Variants in NFYC observed in about 807,000 individuals in gnomAD.
NFYC encodes CAAT box DNA-binding protein subunit C.
Under a neutral mutation model 53.1 loss-of-function variants are expected in NFYC, and 25 were observed. The observed-to-expected ratio is 0.47, with a 90% CI of 0.34 to 0.66. NFYC has a LOEUF of 0.66. NFYC is among the 30% of genes least tolerant of loss of function. NFYC has a pLI of 0.01. For missense variants in NFYC, 260 were observed against 422.7 expected, an observed-to-expected ratio of 0.62 and a Z score of 3.38; for synonymous variants, 145 against 152.6, an observed-to-expected ratio of 0.95 and a Z score of 0.37.
chr1:40,711,014 C>T (rs1643911617), intron 1 of NFYC, among the ~76,000 whole-genome samples: 1 of 152,144 alleles, frequency 6.6e-6, no homozygotes, highest in African/African-American at 2.4e-5. Context: ...GGGAATAAGA[C>T]AATAGGGCTG....
chr1:40,741,183 G>GT (rs754637534), intron 2 of NFYC, among the ~76,000 whole-genome samples: 57 of 151,836 alleles, frequency 3.8e-4, no homozygotes, highest in Non-Finnish European at 6.6e-4. Context: ...TCAACTTAAT[G>GT]TTTTTTTTCC....
rs1643545450 is a variant in NFYC, at chr1:40,703,487, A to AAAAAAAAAAAAAG, written c.-9+11627_-9+11628insAAAAAGAAAAAAA. On this transcript the variant is annotated intron_variant, in intron 1 of 9. Coordinates refer to ENST00000447388, the MANE Select transcript of NFYC (RefSeq NM_014223.5). Reference sequence around the variant, plus strand: ...AGCCTGGGCAATTAGCCCTAAAAAAAAAAAAAAGAATATGAAGCTCTTATT... The same window carrying AAAAAAAAAAAAAG: ...AGCCTGGGCAATTAGCCCTAAAAAAAAAAAAAAAAAAAGAAAAAAAGAATATGAAGCTCTTATT... 1.3e-5 allele frequency among the ~76,000 whole-genome samples: 2 copies of AAAAAAAAAAAAAG among 150,904 alleles called. 1 individual carries two copies. The highest frequency in any genetic ancestry group is 3.0e-5 in the Non-Finnish European group (2 of 67,712).
chr1:40,729,120 A>G (rs1570473634), intron 1 of NFYC, among the ~76,000 whole-genome samples: 1 of 152,288 alleles, frequency 6.6e-6, no homozygotes, highest in East Asian at 1.9e-4. Context: ...ATTTTGTATA[A>G]TTCTTAAGGG....
In NFYC at chr1:40,770,572, C is replaced by T. The variant is rs547754436; in HGVS notation, c.889-137C>T. 223 of 1,605,248 alleles carry T rather than the reference C, an allele frequency of 1.4e-4. 2 individuals are homozygous for T. In the African/African-American group the frequency reaches 2.7e-3, roughly 20 times the overall value. On this transcript the variant is annotated intron_variant, in intron 9 of 9. Coordinates refer to ENST00000447388, the MANE Select transcript of NFYC (RefSeq NM_014223.5). The surrounding 1 kb of genome is among the most constrained non-coding windows in gnomAD (Gnocchi z 5.3). ...TGCTCCCAACCCCAGCAGAGCTCCACTTCCCCTCCTCCTTCTGACGCCTTG... is the reference window on the plus strand; with the variant it reads ...TGCTCCCAACCCCAGCAGAGCTCCATTTCCCCTCCTCCTTCTGACGCCTTG...
chr1:40,741,787 A>G (rs1158072105), intron 2 of NFYC, among the ~76,000 whole-genome samples: 1 of 151,892 alleles, frequency 6.6e-6, no homozygotes, highest in African/African-American at 2.4e-5. Flanking sequence ...ATTTTTCTGT[A>G]GAGGCAGGGT....
In NFYC at chr1:40,756,071, T is replaced by G. The variant is rs138326776; in HGVS notation, c.388-2050T>G. On this transcript the variant is annotated intron_variant, in intron 5 of 9. Transcript: ENST00000447388. ...GTATACCCTCTCATTACCCAAGAGC[T>G]TTTCCAAGTTAGGTCTGGATTTCAG... 5.8e-4 allele frequency among the ~76,000 whole-genome samples: 89 copies of G among 152,310 alleles called. 1 individual carries two copies. Among genetic ancestry groups the G allele is most frequent in the African/African-American group, 2.0e-3 (85 of 41,562 alleles).
chr1:40,722,922 A>G (rs1233473198), intron 1 of NFYC, among the ~76,000 whole-genome samples: 1 of 152,254 alleles, frequency 6.6e-6, no homozygotes, highest in East Asian at 1.9e-4. Flanking sequence ...GTGACAGCTT[A>G]AACAGTGCAA....
At chr1:40,761,954 A>C (rs1278689576) in intron 6 of NFYC, among the ~76,000 whole-genome samples, 1 of 151,456 alleles carries the variant, frequency 6.6e-6, no homozygotes, top group East Asian at 1.9e-4. Flanking sequence ...CCACCACCAG[A>C]TGAGCCCAGA....
At chr1:40,722,144 C>T (rs890558556) in intron 1 of NFYC, among the ~76,000 whole-genome samples, 2 of 151,904 alleles carry the variant, frequency 1.3e-5, no homozygotes, top group African/African-American at 2.4e-5. Flanking sequence ...GCATTCCAGC[C>T]TGGGTGACAG....
At chr1:40,735,425 C>T (rs1644978005) in intron 1 of NFYC, 1 of 179,684 alleles carries the variant, frequency 5.6e-6, no homozygotes, top group Non-Finnish European at 1.1e-5. Context: ...CTGTTGACTA[C>T]ACAGATGTTT....
chr1:40,767,014 C>T (rs1204374937), intron 8 of NFYC: 10 of 1,534,540 alleles, frequency 6.5e-6, no homozygotes, highest in African/African-American at 1.4e-5. Context: ...TTCGACAGAT[C>T]GCCTGATCGT....
At chr1:40,756,048 A>AT (rs1646200657) in intron 5 of NFYC, among the ~76,000 whole-genome samples, 1 of 152,130 alleles carries the variant, frequency 6.6e-6, no homozygotes, top group East Asian at 1.9e-4. Context: ...TCATTCCTGT[A>AT]TACCCTCTCA....
At chr1:40,730,467 A>C in intron 1 of NFYC, 7 of 671,332 alleles carry the variant, frequency 1.0e-5, no homozygotes, top group Non-Finnish European at 1.3e-5. Context: ...CCGAGGTGGG[A>C]ATGGCCAGTT....
Position 40,738,847 on chromosome 1 carries a change from T to C in NFYC, c.4T>C (p.Ser2Pro). ...GTGTTTATTTTCAGTTGTCGAGATG[T>C]CCACAGAAGGAGGATTTGGTGGTAC... M[S>P]TEGGFGGTSS... The change falls in exon 2 of 10, where the codon TCC becomes CCC. Residue 2 changes from serine to proline, a missense_variant. Transcript: ENST00000447388. 6.2e-7 allele frequency: 1 copy of C among 1,613,422 alleles called. No homozygotes were observed. Among genetic ancestry groups the C allele is most frequent in the Non-Finnish European group, 8.5e-7 (1 of 1,179,342 alleles).
chr1:40,696,289 G>A (rs954555698), intron 1 of NFYC, among the ~76,000 whole-genome samples: 7 of 152,140 alleles, frequency 4.6e-5, no homozygotes, highest in African/African-American at 1.7e-4. Context: ...TCCTGAAGTG[G>A]TGGGATTACA....
chr1:40,706,870 T>G (rs2148436675), intron 1 of NFYC, among the ~76,000 whole-genome samples: 1 of 152,242 alleles, frequency 6.6e-6, no homozygotes, highest in Non-Finnish European at 1.5e-5. Flanking sequence ...TCTGCTGTGC[T>G]TATTCTTAAA....
At chr1:40,708,865 C>G (rs1008697507) in intron 1 of NFYC, among the ~76,000 whole-genome samples, 2 of 152,198 alleles carry the variant, frequency 1.3e-5, no homozygotes, top group African/African-American at 4.8e-5. Context: ...CGACCTTGTG[C>G]ACATTGCTTC....
Position 40,699,426 on chromosome 1 carries a change from A to G in NFYC, c.-9+7559A>G, listed in dbSNP as rs74068561. Among the ~76,000 whole-genome samples the G allele has an allele frequency of 7.7e-4, 118 of 152,298 alleles. 1 individual carries two copies. The highest frequency in any genetic ancestry group is 2.8e-3 in the African/African-American group (117 of 41,566). ...CTGTTCCTTTTAAAAGAGAAGAGAGAAGGGGCTAATAAAGTACACATTATC... is the reference window on the plus strand; with the variant it reads ...CTGTTCCTTTTAAAAGAGAAGAGAGGAGGGGCTAATAAAGTACACATTATC... On this transcript the variant is annotated intron_variant, in intron 1 of 9. Coordinates refer to ENST00000447388, the MANE Select transcript of NFYC (RefSeq NM_014223.5).
chr1:40,767,628 A>G, intron 8 of NFYC, among the ~76,000 whole-genome samples: 1 of 152,098 alleles, frequency 6.6e-6, no homozygotes, highest in South Asian at 2.1e-4. Context: ...GATCCAAAAA[A>G]CATAACGGCA....
Sources: allele counts gnomAD v4.1 joint callset (sites outside exome capture counted in the v4.1 genomes callset), GRCh38; gene constraint gnomAD v4.1.1; non-coding constraint Gnocchi (gnomAD v3.1); transcripts MANE v1.5; gene names NCBI Gene and HGNC (gene_info 2026-07-23, HGNC 2026-07-21).